Variants in VPS13B observed in about 807,000 individuals in gnomAD.
The protein encoded by VPS13B is vacuolar protein sorting 13 homolog B.
In VPS13B, 285 loss-of-function variants were observed where a neutral mutation model predicts 426.4. The observed-to-expected ratio is 0.67, with a 90% CI of 0.61 to 0.74. The LOEUF (loss-of-function observed/expected upper bound fraction) is 0.74, where lower values mean the gene tolerates loss of function less well. VPS13B is among the 30% of genes least tolerant of loss of function. VPS13B has a pLI of 0.00. For missense variants in VPS13B, 4,537 were observed against 4,782.6 expected, an observed-to-expected ratio of 0.95 and a Z score of 1.51; for synonymous variants, 1,676 against 1,676.4, an observed-to-expected ratio of 1.00 and a Z score of 0.01.
At chr8:99,310,334 G>C (rs1030796569) in intron 19 of VPS13B, among the ~76,000 whole-genome samples, 4 of 152,068 alleles carry the variant, frequency 2.6e-5, no homozygotes, top group Non-Finnish European at 5.9e-5. Flanking sequence ...ATAAATAGCT[G>C]TTATTATTTT....
At chr8:99,759,200 A>C (rs531718011) in intron 39 of VPS13B, among the ~76,000 whole-genome samples, 1 of 152,174 alleles carries the variant, frequency 6.6e-6, no homozygotes, top group African/African-American at 2.4e-5. Context: ...TTTCCACTCC[A>C]TTTAACTACT....
chr8:99,064,870 T>TA (rs1166530834), intron 3 of VPS13B, among the ~76,000 whole-genome samples: 4 of 152,304 alleles, frequency 2.6e-5, no homozygotes, highest in Admixed American at 2.6e-4. Context: ...AAGGTCGGGT[T>TA]ACCCACAAAG....
At chr8:99,339,045 G>C (rs188926306) in intron 19 of VPS13B, among the ~76,000 whole-genome samples, 1 of 152,086 alleles carries the variant, frequency 6.6e-6, no homozygotes, top group Non-Finnish European at 1.5e-5. Flanking sequence ...TAAAGTTAGA[G>C]ATTATTATTC....
At chr8:99,672,686 A>G (rs935765775) in intron 35 of VPS13B, among the ~76,000 whole-genome samples, 1 of 152,074 alleles carries the variant, frequency 6.6e-6, no homozygotes, top group African/African-American at 2.4e-5. Context: ...TATGTGGAAT[A>G]AGAGTGGTGA....
chr8:99,803,082 G>A (rs1347847527), intron 43 of VPS13B, among the ~76,000 whole-genome samples: 1 of 152,020 alleles, frequency 6.6e-6, no homozygotes, highest in Admixed American at 6.6e-5. Flanking sequence ...AATAGCACTG[G>A]GATAAACATA....
intron 19 of VPS13B, among the ~76,000 whole-genome samples, chr8:99,333,317 A>G (rs1187928519): frequency 6.6e-6 from 1 of 151,822 alleles, no homozygotes; most frequent in Non-Finnish European, 1.5e-5. Flanking sequence ...CTTTCTTTTA[A>G]TGAAACATTT....
At chr8:99,562,162 T>C (rs952591281) in intron 31 of VPS13B, among the ~76,000 whole-genome samples, 8 of 152,208 alleles carry the variant, frequency 5.3e-5, no homozygotes, top group African/African-American at 1.9e-4. Context: ...GGTACATCAT[T>C]GTGGTTTTCA....
intron 17 of VPS13B, among the ~76,000 whole-genome samples, chr8:99,248,375 T>C (rs1039821494): frequency 7.9e-5 from 12 of 152,198 alleles, no homozygotes; most frequent in Non-Finnish European, 1.2e-4. Flanking sequence ...TTAAAAATAT[T>C]TTTGAAGGAC....
At chr8:99,386,851 C>A (rs1490855364) in intron 20 of VPS13B, among the ~76,000 whole-genome samples, 1 of 152,090 alleles carries the variant, frequency 6.6e-6, no homozygotes, top group African/African-American at 2.4e-5. Flanking sequence ...GGCCTATAGT[C>A]CCAGCTACAC....
intron 16 of VPS13B, among the ~76,000 whole-genome samples, chr8:99,181,880 G>A (rs1812964067): frequency 6.6e-6 from 1 of 151,958 alleles, no homozygotes; most frequent in South Asian, 2.1e-4. Flanking sequence ...GTAAAAAGAT[G>A]CACAAAACAT....
intron 61 of VPS13B, among the ~76,000 whole-genome samples, chr8:99,872,372 C>A (rs958486757): frequency 4.6e-5 from 7 of 152,202 alleles, no homozygotes; most frequent in African/African-American, 1.7e-4. Flanking sequence ...TAGTTTCCCA[C>A]CCCCTGAGTA....
At chr8:99,764,699 G>A (rs1811121759) in intron 39 of VPS13B, among the ~76,000 whole-genome samples, 1 of 152,046 alleles carries the variant, frequency 6.6e-6, no homozygotes, top group African/African-American at 2.4e-5. Flanking sequence ...TCAGACGTGA[G>A]CCACCACACC....
chr8:99,473,108 G>C (rs1819498180), intron 24 of VPS13B, among the ~76,000 whole-genome samples: 1 of 151,952 alleles, frequency 6.6e-6, no homozygotes, highest in Non-Finnish European at 1.5e-5. Flanking sequence ...TTTCACAAAT[G>C]TTTTCCCAGA....
chr8:99,188,206 G>GT (rs1457461073), intron 16 of VPS13B, among the ~76,000 whole-genome samples: 2 of 151,864 alleles, frequency 1.3e-5, no homozygotes, highest in African/African-American at 2.4e-5. Context: ...CAATTAAGTG[G>GT]TTTTTACTAT....
intron 17 of VPS13B, among the ~76,000 whole-genome samples, chr8:99,211,164 G>T (rs568162947): frequency 6.6e-6 from 1 of 152,218 alleles, no homozygotes; most frequent in East Asian, 1.9e-4. Flanking sequence ...GGAATGAGAG[G>T]CTGAATGAAG....
intron 19 of VPS13B, among the ~76,000 whole-genome samples, chr8:99,322,454 G>A (rs1810029400): frequency 6.6e-6 from 1 of 152,158 alleles, no homozygotes; most frequent in Admixed American, 6.6e-5. Flanking sequence ...AGGCATGAAT[G>A]TAATTTTGCA....
intron 30 of VPS13B, among the ~76,000 whole-genome samples, chr8:99,549,704 G>T (rs530777684): frequency 1.3e-5 from 2 of 151,940 alleles, no homozygotes; most frequent in Non-Finnish European, 2.9e-5. Context: ...GGTACAAAAC[G>T]GCCTGTCTTT....
chr8:99,199,147 C>T (rs925496277), intron 17 of VPS13B, among the ~76,000 whole-genome samples: 2 of 152,084 alleles, frequency 1.3e-5, no homozygotes, highest in African/African-American at 4.8e-5. Flanking sequence ...GACTTAGGTT[C>T]TGATAATGTG....
chr8:99,871,821 A>AGCT, intron 61 of VPS13B, 124 bp downstream of exon 61: 1 of 1,545,684 alleles, frequency 6.5e-7, no homozygotes, highest in Non-Finnish European at 8.8e-7. Context: ...GACCAAGGAG[A>AGCT]GCTGCTACCC....
Sources: allele counts gnomAD v4.1 joint callset (sites outside exome capture counted in the v4.1 genomes callset), GRCh38; gene constraint gnomAD v4.1.1; transcripts MANE v1.5; gene names NCBI Gene and HGNC (gene_info 2026-07-23, HGNC 2026-07-21).